Variants in BCL2 observed in about 807,000 individuals in gnomAD.
BCL2 encodes the protein apoptosis regulator Bcl-2.
In BCL2, 1 loss-of-function variant was observed where a neutral mutation model predicts 14.2. The observed-to-expected ratio is 0.07, with a 90% confidence interval of 0.02 to 0.33. The LOEUF (loss-of-function observed/expected upper bound fraction) is 0.33, where lower values mean the gene tolerates loss of function less well. BCL2 is among the 10% of genes least tolerant of loss of function. The pLI is 0.99. For missense variants in BCL2, 247 were observed against 305.9 expected, an observed-to-expected ratio of 0.81 and a Z score of 1.44; for synonymous variants, 151 against 137.2, an observed-to-expected ratio of 1.10 and a Z score of -0.70.
chr18:63,269,401 G>A (rs559638363), intron 2 of BCL2, among the ~76,000 whole-genome samples: 1 of 152,070 alleles, frequency 6.6e-6, no homozygotes, highest in East Asian at 1.9e-4. Context: ...TATGGACAAG[G>A]AAACCTAACA....
At chr18:63,221,939 A>C (rs2144161587) in intron 2 of BCL2, among the ~76,000 whole-genome samples, 1 of 152,344 alleles carries the variant, frequency 6.6e-6, no homozygotes, top group African/African-American at 2.4e-5. Flanking sequence ...AGACAAACAT[A>C]TGTCCACTAT....
In BCL2 at chr18:63,126,345, G is replaced by A. The variant is rs1485169504; in HGVS notation, c.*2280C>T. The A allele has an allele frequency of 4.5e-6, 1 of 220,758 alleles. No homozygotes were observed. Among genetic ancestry groups the A allele is most frequent in the African/African-American group, 2.2e-5 (1 of 44,522 alleles). The allele number at this position is 220,758 out of a possible 1,614,324, so 13.7% of individuals were successfully genotyped here. A position where few individuals can be genotyped will look rare whatever the true frequency, so the allele number is the denominator to read the frequency against. On this transcript the variant is annotated 3_prime_UTR_variant, in exon 3 of 3. Transcript: ENST00000333681. ...GAAGGAGGGCAGGAGGGCTCTGGGT[G>A]GGTCTGTGTTGAAACAGGCCACGTA...
chr18:63,302,257 C>T, intron 2 of BCL2: 1 of 837,830 alleles, frequency 1.2e-6, no homozygotes, highest in Non-Finnish European at 1.4e-6. Context: ...GCCGGGACTG[C>T]ACCACTGCAC....
At chr18:63,317,685 G>A in intron 2 of BCL2, 1 of 1,059,312 alleles carries the variant, frequency 9.4e-7, no homozygotes, top group Non-Finnish European at 1.1e-6. Context: ...GACCCAACCT[G>A]GTATCTGGTT....
At chr18:63,305,140 G>A (rs1297367741) in intron 2 of BCL2, among the ~76,000 whole-genome samples, 5 of 152,210 alleles carry the variant, frequency 3.3e-5, no homozygotes, top group Non-Finnish European at 5.9e-5. Flanking sequence ...CCCCTCTGCT[G>A]CAAGCATGAG....
At chr18:63,294,998 CAA>C (rs34986306) in intron 2 of BCL2, among the ~76,000 whole-genome samples, 8 of 132,380 alleles carry the variant, frequency 6.0e-5, no homozygotes, top group Non-Finnish European at 6.4e-5. Flanking sequence ...CTGAAAATAC[CAA>C]AAAAAAAAAA....
At chr18:63,169,369 C>CTTTCTTTCTTTCTTTCTT (rs372286465) in intron 2 of BCL2, among the ~76,000 whole-genome samples, 10 of 69,536 alleles carry the variant, frequency 1.4e-4, no homozygotes, top group South Asian at 1.0e-3. Flanking sequence ...TTCTTTCTTT[C>CTTTCTTTCTTTCTTTCTT]TCTTTCTTTC....
chr18:63,198,818 GAC>G (rs376244131), intron 2 of BCL2, among the ~76,000 whole-genome samples: 9 of 109,460 alleles, frequency 8.2e-5, no homozygotes, highest in South Asian at 3.1e-4. Flanking sequence ...GAGACACACA[GAC>G]ACACAGACAT....
intron 2 of BCL2, among the ~76,000 whole-genome samples, chr18:63,251,985 C>T (rs1041187052): frequency 6.6e-6 from 1 of 152,150 alleles, no homozygotes; most frequent in African/African-American, 2.4e-5. Flanking sequence ...AGGCGTGAGC[C>T]ACTGTGCCCA....
intron 2 of BCL2, among the ~76,000 whole-genome samples, chr18:63,295,950 G>A (rs747458749): frequency 6.6e-5 from 10 of 152,082 alleles, no homozygotes; most frequent in Non-Finnish European, 1.2e-4. Flanking sequence ...AGAAGAAAAC[G>A]CCCCCTGGTT....
At chr18:63,237,239 G>T (rs1407233646) in intron 2 of BCL2, among the ~76,000 whole-genome samples, 1 of 151,908 alleles carries the variant, frequency 6.6e-6, no homozygotes, top group East Asian at 1.9e-4. Context: ...CCCATCCAAG[G>T]AGTAAACAGG....
At chr18:63,225,139 G>C (rs1364769047) in intron 2 of BCL2, among the ~76,000 whole-genome samples, 1 of 152,062 alleles carries the variant, frequency 6.6e-6, no homozygotes, top group Non-Finnish European at 1.5e-5. Context: ...GTCTGTACCA[G>C]GTACAAAGAT....
intron 2 of BCL2, among the ~76,000 whole-genome samples, chr18:63,226,352 T>C (rs1431436423): frequency 6.6e-6 from 1 of 152,120 alleles, no homozygotes; most frequent in Non-Finnish European, 1.5e-5. Flanking sequence ...CTTTGGACCA[T>C]GGTATCAGGC....
In BCL2 at chr18:63,257,941, T is replaced by C. The variant is rs894535736; in HGVS notation, c.585+60141A>G. ...AAGAGTAGTGTTATGGGTCGAATTA[T>C]GTCCCCTCAAAAGATATGTTCAAGT... On this transcript the variant is annotated intron_variant, in intron 2 of 2. Coordinates refer to ENST00000333681, the MANE Select transcript of BCL2 (RefSeq NM_000633.3). 2.0e-5 allele frequency among the ~76,000 whole-genome samples: 3 copies of C among 152,008 alleles called. No homozygotes were observed. The East Asian group carries it at 5.8e-4, about 29-fold the overall frequency.
At chr18:63,280,475 A>T (rs936660381) in intron 2 of BCL2, among the ~76,000 whole-genome samples, 1 of 152,244 alleles carries the variant, frequency 6.6e-6, no homozygotes, top group Admixed American at 6.5e-5. Flanking sequence ...AACGCCTACA[A>T]CTCAATAACA....
At chr18:63,220,731 G>A (rs1910367490) in intron 2 of BCL2, among the ~76,000 whole-genome samples, 1 of 151,910 alleles carries the variant, frequency 6.6e-6, no homozygotes, top group East Asian at 1.9e-4. Flanking sequence ...TTCAAAAGGA[G>A]CTAGAAAAGG....
Position 63,155,956 on chromosome 18 carries a change from C to T in BCL2, c.586-27197G>A, listed in dbSNP as rs138641970. 8.0e-4 allele frequency among the ~76,000 whole-genome samples: 122 copies of T among 152,170 alleles called. No homozygotes were observed. The Middle Eastern group carries it at 0.017, about 21-fold the overall frequency. On this transcript the variant is annotated intron_variant, in intron 2 of 2. Transcript: ENST00000333681. ...AGCCAGTGTGGGCCATTGGTGTGAC[C>T]AAGGTGAGGGGCACTTGGTGTTCTT...
At chr18:63,305,601 C>T (rs948798243) in intron 2 of BCL2, among the ~76,000 whole-genome samples, 4 of 152,020 alleles carry the variant, frequency 2.6e-5, no homozygotes, top group Admixed American at 1.3e-4. Context: ...GGCAAGAAAC[C>T]ACTGTCATTT....
At position 63,199,949 on chromosome 18, in the gene BCL2, C is replaced by T. The variant is rs187845534; in HGVS notation, c.586-71190G>A. Among the ~76,000 whole-genome samples, 17 of 152,116 alleles carry T rather than the reference C, an allele frequency of 1.1e-4. No homozygotes were observed. In the East Asian group the frequency reaches 2.5e-3, roughly 22 times the overall value. On this transcript the variant is annotated intron_variant, in intron 2 of 2. Transcript: ENST00000333681. ...ACGCGCACACATGCACACACACACACGCACACACACACACACGAAGGATAT... is the reference window on the plus strand; with the variant it reads ...ACGCGCACACATGCACACACACACATGCACACACACACACACGAAGGATAT...
Sources: gnomAD v4.1 joint callset for allele counts (sites outside exome capture counted in the v4.1 genomes callset) on GRCh38, gnomAD v4.1.1 for gene constraint, MANE v1.5 for transcripts, NCBI Gene and HGNC (gene_info 2026-07-23, HGNC 2026-07-21) for gene names.